The following LHCGR variants were observed in gnomAD, a reference collection of about 807,000 sequenced individuals.
LHCGR encodes luteinizing hormone/choriogonadotropin receptor, also known as lutropin-choriogonadotropic hormone receptor.
Under a neutral mutation model 60.7 loss-of-function variants are expected in LHCGR, and 55 were observed. The observed-to-expected ratio is 0.91, with a 90% confidence interval of 0.73 to 1.13. The LOEUF is 1.13. Among genes scored for constraint, LHCGR ranks in the 50% most tolerant of loss-of-function variants. LHCGR has a pLI of 0.00. For missense variants in LHCGR, 862 were observed against 836.0 expected, an observed-to-expected ratio of 1.03 and a Z score of -0.38; for synonymous variants, 337 against 316.5, an observed-to-expected ratio of 1.06 and a Z score of -0.69.
At chr2:48,752,422 G>C (rs143587080) in intron 1 of LHCGR, among the ~76,000 whole-genome samples, 7 of 152,230 alleles carry the variant, frequency 4.6e-5, no homozygotes, top group African/African-American at 1.4e-4. Context: ...CTCCAACCCT[G>C]AGAACTTGGA....
At chr2:48,712,806 A>T (rs958400321) in intron 7 of LHCGR, among the ~76,000 whole-genome samples, 9 of 152,128 alleles carry the variant, frequency 5.9e-5, no homozygotes, top group Admixed American at 5.9e-4. Context: ...GAATGAAGAC[A>T]CTGTGGCTTA....
At chr2:48,747,338 T>C (rs1375664600) in intron 1 of LHCGR, among the ~76,000 whole-genome samples, 3 of 152,152 alleles carry the variant, frequency 2.0e-5, no homozygotes, top group Non-Finnish European at 4.4e-5. Context: ...GTGATCCACC[T>C]ACCTCAGCCT....
chr2:48,706,746 T>G (rs1349065863), intron 8 of LHCGR, among the ~76,000 whole-genome samples: 2 of 152,192 alleles, frequency 1.3e-5, no homozygotes, highest in Admixed American at 1.3e-4. Context: ...CGTCACGTCA[T>G]TTATGTTCTT....
intron 2 of LHCGR, among the ~76,000 whole-genome samples, chr2:48,730,611 A>G (rs780894392): frequency 2.0e-5 from 3 of 152,154 alleles, no homozygotes; most frequent in Non-Finnish European, 4.4e-5. Context: ...TAATATTAAG[A>G]AAGATGCTGG....
At chr2:48,699,242 C>T (rs1416346823) in intron 8 of LHCGR, among the ~76,000 whole-genome samples, 1 of 152,186 alleles carries the variant, frequency 6.6e-6, no homozygotes, top group Non-Finnish European at 1.5e-5. Context: ...CAATTACTCT[C>T]ACTAAGATCT....
At chr2:48,727,243 C>G (rs1025162761) in intron 3 of LHCGR, among the ~76,000 whole-genome samples, 4 of 151,016 alleles carry the variant, frequency 2.6e-5, no homozygotes, top group African/African-American at 9.8e-5. Flanking sequence ...CTGGGCAACA[C>G]AGTGAGACCC....
Position 48,708,968 on chromosome 2 carries a change from C to T in LHCGR, c.660G>A (p.Gly220=), listed in dbSNP as rs1428590804. 6.2e-7 allele frequency: 1 copy of T among 1,614,008 alleles called. No individual in the cohort carries two copies. Among genetic ancestry groups the T allele is most frequent in the Non-Finnish European group, 8.5e-7 (1 of 1,180,018 alleles). Residue 220 remains glycine, a synonymous_variant, in exon 8 of 11, where the codon GGG becomes GGA. Coordinates refer to ENST00000294954, the MANE Select transcript of LHCGR (RefSeq NM_000233.4). ...CTCACAAGGTTTTCGGCCCTGTGGC[C>T]CCACGGAAGGCTCCATTGTGCATCT... The part of the protein sequence containing the change: ...LEKMHNGAFR[G]ATGPKTLDIS...
At chr2:48,714,490 T>A (rs532514599) in intron 6 of LHCGR, among the ~76,000 whole-genome samples, 2 of 152,156 alleles carry the variant, frequency 1.3e-5, no homozygotes, top group African/African-American at 4.8e-5. Flanking sequence ...CCACTTTTTT[T>A]TTTTTTTTTC....
intron 2 of LHCGR, among the ~76,000 whole-genome samples, chr2:48,729,730 C>T (rs1414530114): frequency 1.3e-5 from 2 of 152,166 alleles, no homozygotes; most frequent in East Asian, 3.9e-4. Context: ...AAATCTCGTG[C>T]TGAGGCCGTT....
Position 48,698,708 on chromosome 2 carries a change from T to G in LHCGR, c.773A>C (p.Lys258Thr). 3.7e-6 allele frequency: 6 copies of G among 1,614,134 alleles called. No individual in the cohort carries two copies. Among genetic ancestry groups the G allele is most frequent in the Non-Finnish European group, 5.1e-6 (6 of 1,179,972 alleles). The change falls in exon 9 of 11, where the codon AAA (lysine) becomes ACA (threonine). Residue 258 changes from lysine (K) to threonine (T), a missense_variant. Physicochemically the swap from Lys to Thr is moderately conservative, Grantham distance 78. Transcript: ENST00000294954. ...GACAAATGTTTCTCTTGATGGCAAT[T>G]TTTTTAGAGAATAGGATGACGTGGC... ...LIATSSYSLKKLPSRETFVNL... is the reference protein window; with the variant it reads ...LIATSSYSLKTLPSRETFVNL...
At chr2:48,692,119 C>A (rs761354438) in intron 10 of LHCGR, among the ~76,000 whole-genome samples, 1 of 152,104 alleles carries the variant, frequency 6.6e-6, no homozygotes, top group Non-Finnish European at 1.5e-5. Context: ...TTACCCCAAA[C>A]CCTGAATAAA....
At position 48,744,968 on chromosome 2, in the gene LHCGR, C is replaced by G. The variant is rs1489613053; in HGVS notation, c.161+10543G>C. ...TCATCTGACAAAGGGCTAATATCCACAATCTACAATGAACTCAAACAAATT... is the reference window on the plus strand; with the variant it reads ...TCATCTGACAAAGGGCTAATATCCAGAATCTACAATGAACTCAAACAAATT... On this transcript the variant is annotated intron_variant, in intron 1 of 10. Transcript: ENST00000294954. Among the ~76,000 whole-genome samples the G allele has an allele frequency of 3.0e-4, 45 of 151,496 alleles. No homozygotes were observed. In the East Asian group the frequency reaches 4.5e-3, roughly 15 times the overall value.
chr2:48,735,949 G>C (rs1414962426), intron 1 of LHCGR, among the ~76,000 whole-genome samples: 1 of 152,144 alleles, frequency 6.6e-6, no homozygotes, highest in Non-Finnish European at 1.5e-5. Flanking sequence ...ATGAGAGTGA[G>C]TGAGTTATCA....
Position 48,688,631 on chromosome 2 carries a change from T to C in LHCGR, c.1166A>G (p.Tyr389Cys), listed in dbSNP as rs748499276. ...GAGAAAACGAGGCACTGTAAGTTTG[T>C]AACGACTTGTCAGGAGAACAAAAAG... ...TVLFVLLTSR[Y>C]KLTVPRFLMC... Residue 389 changes from tyrosine to cysteine, a missense_variant, in exon 11 of 11, where the codon TAC (tyrosine) becomes TGC (cysteine). By Grantham distance (194) the Tyr-to-Cys change is radical. Transcript: ENST00000294954. The surrounding 1 kb of genome is among the most constrained non-coding windows in gnomAD (Gnocchi z 5.2). The C allele has an allele frequency of 1.5e-5, 25 of 1,614,172 alleles. No individual in the cohort carries two copies. The highest frequency in any genetic ancestry group is 3.3e-5 in the Admixed American group (2 of 60,024).
chr2:48,688,767 C>A lies in LHCGR; in HGVS notation c.1030G>T (p.Ala344Ser), dbSNP rs1156935468. The A allele has an allele frequency of 1.2e-6, 2 of 1,614,088 alleles. No individual in the cohort carries two copies. Among genetic ancestry groups the A allele is most frequent in the South Asian group, 2.2e-5 (2 of 91,072 alleles). The change falls in exon 11 of 11, where the codon GCT (alanine) becomes TCT (serine). Residue 344 changes from alanine (A) to serine (S), a missense_variant. Physicochemically the swap from Ala to Ser is moderately conservative, Grantham distance 99. Transcript: ENST00000294954. This position sits in a 1 kb window ranked among gnomAD's most constrained non-coding sequence, Gnocchi z 5.2. ...GFCLPKTPRC[A>S]PEPDAFNPCE... ...GGATTAAAAGCATCTGGTTCAGGAG[C>A]ACATCGGGGTGTCTTGGGTAAGCAG...
intron 1 of LHCGR, among the ~76,000 whole-genome samples, chr2:48,736,221 C>T: frequency 6.6e-6 from 1 of 152,130 alleles, no homozygotes; most frequent in East Asian, 1.9e-4. Context: ...GCTACCTCAC[C>T]CAGGATTATG....
At chr2:48,729,331 T>TG in intron 2 of LHCGR, 104 bp from the exon 3 acceptor site, 16 of 856,450 alleles carry the variant, frequency 1.9e-5, no homozygotes, top group Non-Finnish European at 3.2e-5. Context: ...GGGACACCAC[T>TG]GTGTCCCCCT....
chr2:48,687,789 A>G lies in LHCGR; in HGVS notation c.2008T>C (p.Ser670Pro). The G allele has an allele frequency of 6.2e-7, 1 of 1,614,168 alleles. No individual in the cohort carries two copies. The highest frequency in any genetic ancestry group is 2.2e-5 in the East Asian group (1 of 44,884). Residue 670 changes from serine to proline, a missense_variant, in exon 11 of 11, where the codon TCA becomes CCA. Coordinates refer to ENST00000294954, the MANE Select transcript of LHCGR (RefSeq NM_000233.4). ...TSNCKNGFTG[S>P]NKPSQSTLKL... ...AAGGTGGATTGAGAAGGCTTATTTG[A>G]TCCAGTGAAGCCATTTTTGCAGTTG...
intron 1 of LHCGR, among the ~76,000 whole-genome samples, chr2:48,734,432 A>G (rs1007292985): frequency 2.0e-5 from 3 of 152,180 alleles, no homozygotes; most frequent in African/African-American, 7.2e-5. Flanking sequence ...CTTTGAATGG[A>G]CTAGTGATAA....
Sources: gnomAD v4.1 joint callset for allele counts (sites outside exome capture counted in the v4.1 genomes callset) on GRCh38, gnomAD v4.1.1 for gene constraint, Gnocchi (gnomAD v3.1) non-coding constraint, MANE v1.5 for transcripts, NCBI Gene and HGNC (gene_info 2026-07-23, HGNC 2026-07-21) for gene names.